Variants in PEBP4 observed in about 807,000 individuals in gnomAD.
PEBP4 encodes phosphatidylethanolamine-binding protein 4.
In PEBP4, 22 loss-of-function variants were observed where a neutral mutation model predicts 23.9. The observed-to-expected ratio is 0.92, with a 90% CI of 0.66 to 1.31. The LOEUF is 1.31. Ranked by LOEUF, PEBP4 falls within the 40% of genes most tolerant of loss-of-function variation. The pLI is 0.00. For missense variants in PEBP4, 324 were observed against 281.7 expected, an observed-to-expected ratio of 1.15 and a Z score of -1.07; for synonymous variants, 112 against 99.3, an observed-to-expected ratio of 1.13 and a Z score of -0.76.
intron 4 of PEBP4, among the ~76,000 whole-genome samples, chr8:22,737,620 C>T (rs111976869): frequency 2.0e-5 from 3 of 152,230 alleles, no homozygotes; most frequent in Admixed American, 1.3e-4. Flanking sequence ...GAAATGGAGC[C>T]GTCCAGTTAA....
chr8:22,806,041 G>A lies in PEBP4; in HGVS notation c.357+11596C>T, dbSNP rs554642715. ...ATTGTGGCTTGACATTCTATTATTAGCTTAAAATTTAGATTAAAATTAGCT... is the reference window on the plus strand; with the variant it reads ...ATTGTGGCTTGACATTCTATTATTAACTTAAAATTTAGATTAAAATTAGCT... On this transcript the variant is annotated intron_variant, in intron 4 of 6. Coordinates refer to ENST00000256404, the MANE Select transcript of PEBP4 (RefSeq NM_144962.3). Among the ~76,000 whole-genome samples the A allele has an allele frequency of 1.6e-3, 243 of 152,170 alleles. 3 individuals are homozygous for A. Among genetic ancestry groups the A allele is most frequent in the African/African-American group, 5.6e-3 (232 of 41,498 alleles).
chr8:22,866,037 A>T (rs1563242543), intron 3 of PEBP4, among the ~76,000 whole-genome samples: 1 of 152,156 alleles, frequency 6.6e-6, no homozygotes, highest in Non-Finnish European at 1.5e-5. Context: ...CATCGGCTCC[A>T]CGCCTGTCCC....
intron 2 of PEBP4, among the ~76,000 whole-genome samples, chr8:22,923,079 T>C (rs1585159135): frequency 6.6e-6 from 1 of 152,226 alleles, no homozygotes; most frequent in East Asian, 1.9e-4. Flanking sequence ...GATGAGTAAC[T>C]GAGAAACTGT....
At chr8:22,822,540 CTTTTT>C (rs1407746597) in intron 3 of PEBP4, among the ~76,000 whole-genome samples, 2 of 151,976 alleles carry the variant, frequency 1.3e-5, no homozygotes, top group Non-Finnish European at 2.9e-5. Context: ...TCTTCTTCTT[CTTTTT>C]ATTTTTTTGC....
chr8:22,833,788 G>A (rs747415455), intron 3 of PEBP4, among the ~76,000 whole-genome samples: 1 of 152,228 alleles, frequency 6.6e-6, no homozygotes, highest in Non-Finnish European at 1.5e-5. Context: ...AACTCTTCAA[G>A]CTACCAAGGC....
intron 3 of PEBP4, among the ~76,000 whole-genome samples, chr8:22,857,913 C>G (rs1289058441): frequency 6.6e-6 from 1 of 152,128 alleles, no homozygotes; most frequent in African/African-American, 2.4e-5. Context: ...AGGAATTGTC[C>G]GTCACCTGAC....
intron 4 of PEBP4, among the ~76,000 whole-genome samples, chr8:22,727,682 C>T (rs1056992167): frequency 3.3e-5 from 5 of 152,116 alleles, no homozygotes; most frequent in African/African-American, 1.2e-4. Context: ...ACTCTGCTCC[C>T]TTTGGAGCCT....
At chr8:22,921,651 C>G (rs1809203970) in intron 2 of PEBP4, among the ~76,000 whole-genome samples, 1 of 152,244 alleles carries the variant, frequency 6.6e-6, no homozygotes, top group South Asian at 2.1e-4. Context: ...GTCACATGCT[C>G]TGGTCTCAGA....
At chr8:22,740,927 GTGTT>G (rs1007505184) in intron 4 of PEBP4, among the ~76,000 whole-genome samples, 1 of 152,170 alleles carries the variant, frequency 6.6e-6, no homozygotes, top group Admixed American at 6.5e-5. Context: ...GCACACAAGG[GTGTT>G]TGTTAGCTCC....
intron 3 of PEBP4, among the ~76,000 whole-genome samples, chr8:22,878,382 G>A (rs751714157): frequency 1.3e-5 from 2 of 152,218 alleles, no homozygotes; most frequent in African/African-American, 2.4e-5. Flanking sequence ...AGGGTGGAGG[G>A]TCAGTGCATG....
At chr8:22,798,898 C>T (rs754162400) in intron 4 of PEBP4, among the ~76,000 whole-genome samples, 17 of 151,332 alleles carry the variant, frequency 1.1e-4, no homozygotes, top group Non-Finnish European at 2.2e-4. Flanking sequence ...ACACCATGCC[C>T]GGCTAATTTG....
intron 1 of PEBP4, among the ~76,000 whole-genome samples, chr8:22,940,091 G>T (rs1809589857): frequency 6.6e-6 from 1 of 152,326 alleles, no homozygotes; most frequent in Admixed American, 6.5e-5. Flanking sequence ...GGTGAGAATT[G>T]AACTTAAAGC....
intron 3 of PEBP4, among the ~76,000 whole-genome samples, chr8:22,838,701 A>G (rs1371403362): frequency 6.6e-6 from 1 of 152,276 alleles, no homozygotes. Context: ...CGATGCTGCC[A>G]GGCCTGGCGC....
chr8:22,746,434 G>T (rs4872543), intron 4 of PEBP4, among the ~76,000 whole-genome samples: 1 of 151,982 alleles, frequency 6.6e-6, no homozygotes. Flanking sequence ...TGGAGGGTGC[G>T]GTGGGGAGAG....
At chr8:22,895,431 G>A (rs1808570051) in intron 3 of PEBP4, 1 of 152,238 alleles carries the variant, frequency 6.6e-6, no homozygotes, top group African/African-American at 2.4e-5. Flanking sequence ...ATGCTTTGGT[G>A]AGGGGGACAC....
At position 22,865,142 on chromosome 8, in the gene PEBP4, C is replaced by G. The variant is rs1297821025; in HGVS notation, c.259-47407G>C. On this transcript the variant is annotated intron_variant, in intron 3 of 6. Transcript: ENST00000256404. This position sits in a 1 kb window ranked among gnomAD's most constrained non-coding sequence, Gnocchi z 6.9. Reference sequence around the variant, plus strand: ...GGGCTGGGGCGGCCCGGGGAAGAACCAGTGCTGGACGGGGCTAGAGGCCCA... The same window carrying G: ...GGGCTGGGGCGGCCCGGGGAAGAACGAGTGCTGGACGGGGCTAGAGGCCCA... 1.3e-5 allele frequency among the ~76,000 whole-genome samples: 2 copies of G among 151,272 alleles called. No individual in the cohort carries two copies. The highest frequency in any genetic ancestry group is 1.3e-4 in the Admixed American group (2 of 15,214).
In PEBP4 at chr8:22,900,277, C is replaced by T. The variant is rs376505173; in HGVS notation, c.258+19907G>A. 5.9e-5 allele frequency among the ~76,000 whole-genome samples: 9 copies of T among 152,218 alleles called. No homozygotes were observed. In the South Asian group the frequency reaches 6.2e-4, roughly 11 times the overall value. On this transcript the variant is annotated intron_variant, in intron 3 of 6. Transcript: ENST00000256404. The stretch of plus-strand genomic sequence containing the variant: ...AGACGACTTTAGTGAGCACCTACTA[C>T]GGAAAGAGCTCCAAATACTCTAATT...
At position 22,853,334 on chromosome 8, in the gene PEBP4, C is replaced by T. The variant is rs546917172; in HGVS notation, c.259-35599G>A. Among the ~76,000 whole-genome samples, 3 of 152,250 alleles carry T rather than the reference C, an allele frequency of 2.0e-5. No homozygotes were observed. In the East Asian group the frequency reaches 5.8e-4, roughly 29 times the overall value. ...CCTGTTCCAGGGATAATTGGTTTCT[C>T]CAGGTCACAGAGGTGGGATAAAATC... On this transcript the variant is annotated intron_variant, in intron 3 of 6. Transcript: ENST00000256404.
intron 3 of PEBP4, among the ~76,000 whole-genome samples, chr8:22,853,801 G>C (rs557121012): frequency 6.6e-6 from 1 of 152,162 alleles, no homozygotes; most frequent in African/African-American, 2.4e-5. Context: ...GAACTTGTCC[G>C]GACGAAGGCA....
Sources: allele counts gnomAD v4.1 joint callset (sites outside exome capture counted in the v4.1 genomes callset), GRCh38; gene constraint gnomAD v4.1.1; non-coding constraint Gnocchi (gnomAD v3.1); transcripts MANE v1.5; gene names NCBI Gene and HGNC (gene_info 2026-07-23, HGNC 2026-07-21).